Variants in LHPP observed in about 807,000 individuals in gnomAD.
LHPP encodes the protein phospholysine phosphohistidine inorganic pyrophosphate phosphatase, also known as hLHPP.
A neutral mutation model predicts 30.3 loss-of-function variants in LHPP; 24 were observed. The observed-to-expected ratio is 0.79, with a 90% CI of 0.57 to 1.11. LHPP has a LOEUF of 1.11. Ranked by LOEUF, LHPP falls within the 50% of genes most tolerant of loss-of-function variation. The pLI is 0.00. For synonymous variants in LHPP, 150 were observed against 157.1 expected (o/e 0.95, Z 0.34); for missense variants, 356 against 367.2 (o/e 0.97, Z 0.25).
At chr10:124,579,341 C>T (rs939262215) in intron 6 of LHPP, among the ~76,000 whole-genome samples, 9 of 152,248 alleles carry the variant, frequency 5.9e-5, no homozygotes, top group African/African-American at 1.7e-4. Context: ...CAACTATATT[C>T]GCGGACACGG....
At position 124,523,997 on chromosome 10, in the gene LHPP, A is replaced by C. The variant is rs998102667; in HGVS notation, c.716+6726A>C. 2.0e-5 allele frequency among the ~76,000 whole-genome samples: 3 copies of C among 152,200 alleles called. No individual in the cohort carries two copies. The highest frequency in any genetic ancestry group is 1.9e-4 in the East Asian group (1 of 5,200). The stretch of plus-strand genomic sequence containing the variant: ...GGGGTCATTTAGCTCACCTGAGGTC[A>C]CACGGAGTGGGACCCACCCCAATTT... On this transcript the variant is annotated intron_variant, in intron 6 of 6. Transcript: ENST00000368842. This position sits in a 1 kb window ranked among gnomAD's most constrained non-coding sequence, Gnocchi z 4.2.
intron 6 of LHPP, among the ~76,000 whole-genome samples, chr10:124,532,552 C>CT (rs1954924471): frequency 6.6e-6 from 1 of 152,256 alleles, no homozygotes; most frequent in Non-Finnish European, 1.5e-5. Context: ...CTCTCTCCAT[C>CT]TGCTTATCGC....
intron 6 of LHPP, among the ~76,000 whole-genome samples, chr10:124,601,600 G>A (rs912315755): frequency 7.2e-5 from 11 of 152,246 alleles, no homozygotes; most frequent in Admixed American, 2.6e-4. Flanking sequence ...TGCGGTGCCC[G>A]CAGTCAGTGG....
intron 6 of LHPP, among the ~76,000 whole-genome samples, chr10:124,571,774 T>C (rs12269534): frequency 0.51 from 77,710 of 152,000 alleles, 20,118 homozygotes; most frequent in South Asian, 0.66. Flanking sequence ...GCATCATCAG[T>C]CAGAGACACA....
chr10:124,464,491 A>G (rs1052991055), intron 1 of LHPP, among the ~76,000 whole-genome samples: 11 of 152,200 alleles, frequency 7.2e-5, no homozygotes, highest in Admixed American at 2.6e-4. Context: ...GGCTTCCAGG[A>G]GCAAGCACAA....
chr10:124,535,925 G>A (rs1289093925), intron 6 of LHPP, among the ~76,000 whole-genome samples: 1 of 152,252 alleles, frequency 6.6e-6, no homozygotes, highest in Non-Finnish European at 1.5e-5. Flanking sequence ...AGATCAAGGT[G>A]GGGCCCCTGG....
At chr10:124,580,244 GAC>G (rs1948726394) in intron 6 of LHPP, among the ~76,000 whole-genome samples, 1 of 152,182 alleles carries the variant, frequency 6.6e-6, no homozygotes. Flanking sequence ...CTCTTATTGG[GAC>G]ACAGTTTTAA....
At chr10:124,534,458 C>A (rs1292187653) in intron 6 of LHPP, among the ~76,000 whole-genome samples, 1 of 152,232 alleles carries the variant, frequency 6.6e-6, no homozygotes, top group East Asian at 1.9e-4. Context: ...AGGCTCTCAG[C>A]CTGACCAGCC....
rs181538753 is a variant in LHPP at position 124,511,578 on chromosome 10, C to T, written c.625-5602C>T. Among the ~76,000 whole-genome samples the T allele has an allele frequency of 1.5e-4, 23 of 152,308 alleles. No individual in the cohort carries two copies. The East Asian group carries it at 3.3e-3, about 22-fold the overall frequency. On this transcript the variant is annotated intron_variant, in intron 5 of 6. Coordinates refer to ENST00000368842, the MANE Select transcript of LHPP (RefSeq NM_022126.4). ...ACCTCCTCCGAGCTCTCTCTCAGCA[C>T]CACCATCCGCCGTGGCTTCTCTGAG...
chr10:124,495,460 A>G (rs940586605), intron 3 of LHPP, among the ~76,000 whole-genome samples: 1 of 152,244 alleles, frequency 6.6e-6, no homozygotes, highest in African/African-American at 2.4e-5. Context: ...TTTAGCCGGG[A>G]AGCATCTGAG....
intron 1 of LHPP, among the ~76,000 whole-genome samples, chr10:124,466,969 C>T (rs1952568085): frequency 6.6e-6 from 1 of 151,154 alleles, no homozygotes; most frequent in South Asian, 2.1e-4. Flanking sequence ...ACAAAAAATA[C>T]AAAAATTAGC....
In LHPP at chr10:124,541,124, T is replaced by C. The variant is rs1169809736; in HGVS notation, c.716+23853T>C. Among the ~76,000 whole-genome samples, 1 of 152,144 alleles carries C rather than the reference T, an allele frequency of 6.6e-6. No homozygotes were observed. Among genetic ancestry groups the C allele is most frequent in the African/African-American group, 2.4e-5 (1 of 41,432 alleles). ...GGGATGGCCGGAGGAGAGCCTGCCA[T>C]ACCCACGCAGTGTGCCTGAGTCCTG... On this transcript the variant is annotated intron_variant, in intron 6 of 6. Transcript: ENST00000368842. This position sits in a 1 kb window ranked among gnomAD's most constrained non-coding sequence, Gnocchi z 4.2.
chr10:124,606,113 G>A (rs527557817), intron 6 of LHPP, among the ~76,000 whole-genome samples: 5 of 152,320 alleles, frequency 3.3e-5, no homozygotes, highest in African/African-American at 7.2e-5. Flanking sequence ...AATGCAGCCC[G>A]AGGGAGGCTG....
At chr10:124,466,897 T>C (rs1296008214) in intron 1 of LHPP, among the ~76,000 whole-genome samples, 1 of 151,940 alleles carries the variant, frequency 6.6e-6, no homozygotes, top group Non-Finnish European at 1.5e-5. Flanking sequence ...CCCAGCACTT[T>C]GGGAGGCTGG....
intron 6 of LHPP, among the ~76,000 whole-genome samples, chr10:124,563,330 C>CTTTTTTAA (rs1948433027): frequency 3.8e-5 from 1 of 26,540 alleles, no homozygotes; most frequent in Admixed American, 3.8e-4. Context: ...TTTTTTTTTG[C>CTTTTTTAA]ATAAAATCCA....
At chr10:124,481,462 C>T (rs1353962214) in intron 1 of LHPP, among the ~76,000 whole-genome samples, 1 of 149,232 alleles carries the variant, frequency 6.7e-6, no homozygotes, top group African/African-American at 2.5e-5. Flanking sequence ...CTGTGACCTC[C>T]ACCTCCTGGG....
intron 1 of LHPP, among the ~76,000 whole-genome samples, chr10:124,483,430 G>A (rs1352467282): frequency 6.6e-6 from 1 of 152,162 alleles, no homozygotes; most frequent in Non-Finnish European, 1.5e-5. Context: ...GGCTGAGCAG[G>A]ATTGTGGAGA....
At chr10:124,599,397 G>T (rs1318936172) in intron 6 of LHPP, among the ~76,000 whole-genome samples, 1 of 152,250 alleles carries the variant, frequency 6.6e-6, no homozygotes. Flanking sequence ...CTTTCAGGAT[G>T]AGAGAAGGGA....
At chr10:124,581,922 C>T (rs1430172614) in intron 6 of LHPP, among the ~76,000 whole-genome samples, 1 of 152,022 alleles carries the variant, frequency 6.6e-6, no homozygotes, top group Non-Finnish European at 1.5e-5. Flanking sequence ...GCTGGGACTA[C>T]AGGTGCCCAC....
Sources: gnomAD v4.1 joint callset for allele counts (sites outside exome capture counted in the v4.1 genomes callset) on GRCh38, gnomAD v4.1.1 for gene constraint, Gnocchi (gnomAD v3.1) non-coding constraint, MANE v1.5 for transcripts, NCBI Gene and HGNC (gene_info 2026-07-23, HGNC 2026-07-21) for gene names.